Variants in NAV3 observed in about 807,000 individuals in gnomAD.
The protein encoded by NAV3 is pore membrane and/or filament interacting like protein 1.
In NAV3, 87 loss-of-function variants were observed where a neutral mutation model predicts 244.7. The ratio of observed to expected loss-of-function variants is 0.36; its 90% CI spans 0.30 to 0.42. NAV3 has a LOEUF of 0.42. NAV3 is among the 20% of genes least tolerant of loss of function. The probability of loss-of-function intolerance (pLI) is 1.00; values close to 1 mark genes in which losing one functional copy is unlikely to be tolerated. For missense variants in NAV3, 2,663 were observed against 2,893.3 expected (o/e 0.92, Z 1.83); for synonymous variants, 1,126 against 1,042.2 (o/e 1.08, Z -1.55).
chr12:78,117,552 G>C (rs1427208857), intron 13 of NAV3, among the ~76,000 whole-genome samples: 3 of 148,948 alleles, frequency 2.0e-5, no homozygotes. Flanking sequence ...ATATTCAATT[G>C]ATTACAATCT....
At chr12:77,806,595 C>T (rs768326227) in intron 2 of NAV3, among the ~76,000 whole-genome samples, 7 of 152,048 alleles carry the variant, frequency 4.6e-5, no homozygotes, top group African/African-American at 9.7e-5. Context: ...ATTATGTGGT[C>T]GATTTTAGAA....
intron 12 of NAV3, among the ~76,000 whole-genome samples, chr12:78,077,727 C>T (rs1239651539): frequency 6.6e-6 from 1 of 152,144 alleles, no homozygotes; most frequent in Non-Finnish European, 1.5e-5. Context: ...CACCTGAGGT[C>T]AGGAGTTCGA....
chr12:77,867,025 TGGTG>T (rs1288183058), intron 1 of NAV3, among the ~76,000 whole-genome samples: 1 of 152,216 alleles, frequency 6.6e-6, no homozygotes, highest in African/African-American at 2.4e-5. Context: ...GTAGACCCAA[TGGTG>T]AATAAAAGCT....
intron 2 of NAV3, among the ~76,000 whole-genome samples, chr12:77,740,402 T>G (rs1868306269): frequency 1.3e-5 from 2 of 151,984 alleles, no homozygotes; most frequent in Non-Finnish European, 2.9e-5. Context: ...ATCAAAAAGC[T>G]TTTTCTTGGC....
chr12:77,713,687 A>G, intron 2 of NAV3, among the ~76,000 whole-genome samples: 1 of 151,910 alleles, frequency 6.6e-6, no homozygotes, highest in East Asian at 1.9e-4. Flanking sequence ...CCCCTATTGC[A>G]CCCTTGCATT....
At chr12:78,082,180 T>C (rs1953390242) in intron 12 of NAV3, among the ~76,000 whole-genome samples, 1 of 152,204 alleles carries the variant, frequency 6.6e-6, no homozygotes, top group East Asian at 1.9e-4. Flanking sequence ...CTTTCTTCCA[T>C]GATTGTGAGG....
In NAV3 at chr12:78,006,559, C is replaced by T; in HGVS notation, c.1021C>T (p.His341Tyr). 1 of 1,614,062 alleles carries T rather than the reference C, an allele frequency of 6.2e-7. No homozygotes were observed. The highest frequency in any genetic ancestry group is 1.1e-5 in the South Asian group (1 of 91,078). ...PWRSKSMNVK[H>Y]SATSTMLTVK... ...GCGCAGCAAGTCCATGAATGTCAAACACAGTGCCACCTCCACCATGTTGAC... is the reference window on the plus strand; with the variant it reads ...GCGCAGCAAGTCCATGAATGTCAAATACAGTGCCACCTCCACCATGTTGAC... The change falls in exon 8 of 40, where the codon CAC (histidine) becomes TAC (tyrosine). Residue 341 changes from histidine to tyrosine, a missense_variant. By Grantham distance (83) the His-to-Tyr change is moderately conservative. Coordinates refer to ENST00000397909, the MANE Select transcript of NAV3 (RefSeq NM_001024383.2).
At chr12:77,980,890 C>G (rs1869440582) in intron 5 of NAV3, among the ~76,000 whole-genome samples, 1 of 152,168 alleles carries the variant, frequency 6.6e-6, no homozygotes, top group Non-Finnish European at 1.5e-5. Flanking sequence ...GCTGTAATAT[C>G]TTACACAGGC....
At chr12:77,668,649 A>G (rs1211481878) in intron 2 of NAV3, among the ~76,000 whole-genome samples, 4 of 152,182 alleles carry the variant, frequency 2.6e-5, no homozygotes, top group Admixed American at 2.0e-4. Flanking sequence ...ATAGGACTAT[A>G]TTATTGTCCA....
chr12:77,928,222 C>CCAAAA (rs1888411504), intron 1 of NAV3, among the ~76,000 whole-genome samples: 1 of 80,530 alleles, frequency 1.2e-5, no homozygotes. Flanking sequence ...GGCTCCGCCT[C>CCAAAA]AAAAAAAAAA....
intron 2 of NAV3, among the ~76,000 whole-genome samples, chr12:77,789,944 G>A (rs543782510): frequency 1.3e-5 from 2 of 152,016 alleles, no homozygotes; most frequent in South Asian, 2.1e-4. Context: ...TGGGCCGAAT[G>A]TGGGTGGCAG....
chr12:77,903,555 A>G (rs1400200256), intron 1 of NAV3, among the ~76,000 whole-genome samples: 1 of 152,212 alleles, frequency 6.6e-6, no homozygotes. Flanking sequence ...AAGAAAACCT[A>G]GGCAACACCA....
intron 2 of NAV3, among the ~76,000 whole-genome samples, chr12:77,684,227 T>G (rs1052967557): frequency 2.6e-5 from 4 of 152,202 alleles, no homozygotes; most frequent in African/African-American, 9.6e-5. Flanking sequence ...CATTCACATA[T>G]ACTCTTCTGA....
chr12:77,791,223 C>A (rs774657167), intron 2 of NAV3, among the ~76,000 whole-genome samples: 1 of 151,728 alleles, frequency 6.6e-6, no homozygotes. Flanking sequence ...GCATGGTGAT[C>A]GGTGCCTGTA....
At position 78,189,976 on chromosome 12, in the gene NAV3, T is replaced by C. The variant is rs1271732470; in HGVS notation, c.6056-8T>C. ...TAAATCATGCTATTTTTTTGTTTCTTCTTTCAGGGGTAGAAGAAAATAGTT... is the reference window on the plus strand; with the variant it reads ...TAAATCATGCTATTTTTTTGTTTCTCCTTTCAGGGGTAGAAGAAAATAGTT... On this transcript the variant is annotated splice_polypyrimidine_tract_variant and splice_region_variant and intron_variant, in intron 33 of 39. Coordinates refer to ENST00000397909, the MANE Select transcript of NAV3 (RefSeq NM_001024383.2). 1 of 1,606,718 alleles carries C rather than the reference T, an allele frequency of 6.2e-7. No homozygotes were observed. The highest frequency in any genetic ancestry group is 8.5e-7 in the Non-Finnish European group (1 of 1,174,616).
At position 78,137,278 on chromosome 12, in the gene NAV3, T is replaced by C. The variant is rs1324127735; in HGVS notation, c.4543T>C (p.Ser1515Pro). Residue 1515 changes from serine (S) to proline (P), a missense_variant, in exon 19 of 40, where the codon TCC becomes CCC. Transcript: ENST00000397909. The part of the protein sequence containing the change: ...QDSSFDLYDD[S>P]QLCGSATSLE... ...CTCTTCCTTCGATCTCTATGATGACTCCCAGCTTTGTGGGAGTGCCACTTC... is the reference window on the plus strand; with the variant it reads ...CTCTTCCTTCGATCTCTATGATGACCCCCAGCTTTGTGGGAGTGCCACTTC... The C allele has an allele frequency of 4.3e-6, 7 of 1,613,638 alleles. No homozygotes were observed. The African/African-American group carries it at 8.0e-5, about 18-fold the overall frequency.
intron 14 of NAV3, 132 bp downstream of exon 14, chr12:78,118,429 G>A: frequency 8.1e-7 from 1 of 1,228,548 alleles, no homozygotes. Context: ...GAGTCAAATA[G>A]TTAAATAGTT....
At chr12:77,686,424 CTTT>C (rs10573795) in intron 2 of NAV3, among the ~76,000 whole-genome samples, 27 of 113,856 alleles carry the variant, frequency 2.4e-4, no homozygotes, top group East Asian at 5.3e-4. Context: ...TTCTTTCTTT[CTTT>C]TTTTTTTTTT....
intron 9 of NAV3, chr12:78,036,696 G>T: frequency 1.9e-6 from 1 of 532,380 alleles, no homozygotes; most frequent in Non-Finnish European, 3.3e-6. Flanking sequence ...AAGCTAAATT[G>T]GGGGCAAATA....
Sources: gnomAD v4.1 joint callset for allele counts (sites outside exome capture counted in the v4.1 genomes callset) on GRCh38, gnomAD v4.1.1 for gene constraint, MANE v1.5 for transcripts, NCBI Gene and HGNC (gene_info 2026-07-23, HGNC 2026-07-21) for gene names.